Variants in PTPRN2 observed in about 807,000 individuals in gnomAD.
PTPRN2 encodes receptor-type tyrosine-protein phosphatase N2.
Under a neutral mutation model 118.8 loss-of-function variants are expected in PTPRN2, and 74 were observed. The ratio of observed to expected loss-of-function variants is 0.62; its 90% CI spans 0.52 to 0.76. PTPRN2 has a LOEUF of 0.76. PTPRN2 is among the 30% of genes least tolerant of loss of function. The probability of loss-of-function intolerance (pLI) is 0.00; values close to 1 mark genes in which losing one functional copy is unlikely to be tolerated. For synonymous variants in PTPRN2, 641 were observed against 608.0 expected (o/e 1.05, Z -0.80); for missense variants, 1,481 against 1,394.4 (o/e 1.06, Z -0.99).
chr7:158,441,147 G>A (rs939142013), intron 2 of PTPRN2, among the ~76,000 whole-genome samples: 1 of 150,016 alleles, frequency 6.7e-6, no homozygotes, highest in South Asian at 2.1e-4. Context: ...GGTAGTGATG[G>A]TGGTGATAGT....
rs559386204 is a variant in PTPRN2 at position 158,262,750 on chromosome 7, TAC to T, written c.277+54067_277+54068del. Among the ~76,000 whole-genome samples, 368 of 125,984 alleles carry T rather than the reference TAC, an allele frequency of 2.9e-3. 1 individual carries two copies. The highest frequency in any genetic ancestry group is 6.8e-3 in the Middle Eastern group (1 of 146). The allele number at this position is 125,984 out of a possible 152,430, so 82.7% of individuals were successfully genotyped here. A position where few individuals can be genotyped will look rare whatever the true frequency, so the allele number is the denominator to read the frequency against. On this transcript the variant is annotated intron_variant, in intron 3 of 22. Transcript: ENST00000389418. Reference sequence around the variant, plus strand: ...CACATACATTCACACACTGCACATATACACACACTGCACACACACATTCACAC... The same window carrying T: ...CACATACATTCACACACTGCACATATACACACTGCACACACACATTCACAC...
chr7:158,202,688 C>A (rs193150156), intron 4 of PTPRN2, among the ~76,000 whole-genome samples: 2 of 152,270 alleles, frequency 1.3e-5, no homozygotes, highest in East Asian at 3.9e-4. Flanking sequence ...GATAATTGCT[C>A]TTGCCTGGGT....
chr7:158,449,589 C>T (rs1449520815), intron 2 of PTPRN2, among the ~76,000 whole-genome samples: 1 of 152,194 alleles, frequency 6.6e-6, no homozygotes. Context: ...GACCAAACAC[C>T]AACAGGCAGA....
intron 12 of PTPRN2, among the ~76,000 whole-genome samples, chr7:157,725,094 G>C (rs1004678216): frequency 6.6e-6 from 1 of 152,204 alleles, no homozygotes; most frequent in African/African-American, 2.4e-5. Context: ...AAACCTGTGG[G>C]GGAAAGGACG....
At chr7:158,161,138 T>A (rs771472885) in intron 6 of PTPRN2, among the ~76,000 whole-genome samples, 12 of 152,210 alleles carry the variant, frequency 7.9e-5, no homozygotes, top group Non-Finnish European at 1.8e-4. Flanking sequence ...TGTCAGCATG[T>A]CAGTTCTCCA....
intron 6 of PTPRN2, among the ~76,000 whole-genome samples, chr7:158,159,392 G>T (rs6459844): frequency 0.25 from 37,651 of 152,084 alleles, 6,229 homozygotes; most frequent in African/African-American, 0.48. Context: ...GATTACCTTG[G>T]CCATACAAGC....
intron 12 of PTPRN2, among the ~76,000 whole-genome samples, chr7:157,889,750 C>T (rs879692832): frequency 6.6e-6 from 1 of 152,358 alleles, no homozygotes; most frequent in East Asian, 1.9e-4. Flanking sequence ...ACTAGAAGTG[C>T]CTGTTTCTGG....
intron 11 of PTPRN2, among the ~76,000 whole-genome samples, chr7:158,071,356 T>A (rs1811528120): frequency 3.5e-5 from 4 of 112,964 alleles, no homozygotes; most frequent in Admixed American, 8.8e-5. Context: ...CTCGTGGTGG[T>A]GGAGGTGCTC....
At chr7:157,724,534 C>A (rs556317677) in intron 12 of PTPRN2, among the ~76,000 whole-genome samples, 1 of 152,138 alleles carries the variant, frequency 6.6e-6, no homozygotes, top group African/African-American at 2.4e-5. Context: ...CCAATGAACC[C>A]GGTGCAAGTC....
chr7:158,390,754 C>T (rs73516654), intron 2 of PTPRN2, among the ~76,000 whole-genome samples: 1 of 152,374 alleles, frequency 6.6e-6, no homozygotes, highest in African/African-American at 2.4e-5. Flanking sequence ...TCTCCCAAGC[C>T]TTCTCTTCTC....
intron 12 of PTPRN2, among the ~76,000 whole-genome samples, chr7:157,814,962 G>T (rs899654747): frequency 1.3e-5 from 2 of 152,178 alleles, no homozygotes; most frequent in African/African-American, 4.8e-5. Context: ...GTGGTCACCC[G>T]TGCATGGTGA....
At chr7:157,810,064 C>T (rs114622354) in intron 12 of PTPRN2, among the ~76,000 whole-genome samples, 2,981 of 152,316 alleles carry the variant, frequency 0.02, 101 homozygotes, top group African/African-American at 0.065. Flanking sequence ...GCAGAGAGGA[C>T]AGGGGAGCTT....
At chr7:158,510,646 A>G (rs1242976348) in intron 1 of PTPRN2, among the ~76,000 whole-genome samples, 1 of 152,230 alleles carries the variant, frequency 6.6e-6, no homozygotes, top group Non-Finnish European at 1.5e-5. Context: ...TAATTCACAG[A>G]TATCAGAAAT....
chr7:157,666,136 A>T (rs1018575913), intron 13 of PTPRN2, among the ~76,000 whole-genome samples: 18 of 73,640 alleles, frequency 2.4e-4, no homozygotes, highest in African/African-American at 7.0e-4. Context: ...AGTATAATTA[A>T]AAAAAAAAAA....
chr7:158,171,615 T>G (rs1823709719), intron 5 of PTPRN2, among the ~76,000 whole-genome samples: 1 of 152,044 alleles, frequency 6.6e-6, no homozygotes, highest in South Asian at 2.1e-4. Flanking sequence ...CCTCCCAAAG[T>G]GCTGGGATTA....
chr7:158,334,116 T>A (rs1805091421), intron 2 of PTPRN2, among the ~76,000 whole-genome samples: 1 of 54,764 alleles, frequency 1.8e-5, no homozygotes, highest in African/African-American at 6.3e-5. Flanking sequence ...CAGACGTCAC[T>A]CACACCCACA....
chr7:157,572,965 G>A (rs1325558721), intron 19 of PTPRN2, among the ~76,000 whole-genome samples: 2 of 152,242 alleles, frequency 1.3e-5, no homozygotes, highest in African/African-American at 4.8e-5. Context: ...GAAGGCAATG[G>A]TGAACTCCTT....
At position 158,544,492 on chromosome 7, in the gene PTPRN2, G is replaced by T. The variant is rs750594012; in HGVS notation, c.112+43066C>A. Among the ~76,000 whole-genome samples the T allele has an allele frequency of 3.3e-5, 5 of 152,066 alleles. No homozygotes were observed. The highest frequency in any genetic ancestry group is 7.4e-5 in the Non-Finnish European group (5 of 68,014). ...CTCTAATAAAAATACAAAAAAATTAGCCTGGTGTGGTGGCACATGCCTGTA... is the reference window on the plus strand; with the variant it reads ...CTCTAATAAAAATACAAAAAAATTATCCTGGTGTGGTGGCACATGCCTGTA... On this transcript the variant is annotated intron_variant, in intron 1 of 22. Coordinates refer to ENST00000389418, the MANE Select transcript of PTPRN2 (RefSeq NM_002847.5). This position sits in a 1 kb window ranked among gnomAD's most constrained non-coding sequence, Gnocchi z 4.2.
chr7:157,815,575 A>G (rs1309248290), intron 12 of PTPRN2, among the ~76,000 whole-genome samples: 1 of 152,200 alleles, frequency 6.6e-6, no homozygotes, highest in African/African-American at 2.4e-5. Context: ...AGAGGATCAC[A>G]TTTAGATGAC....
Sources: allele counts gnomAD v4.1 joint callset (sites outside exome capture counted in the v4.1 genomes callset), GRCh38; gene constraint gnomAD v4.1.1; non-coding constraint Gnocchi (gnomAD v3.1); transcripts MANE v1.5; gene names NCBI Gene and HGNC (gene_info 2026-07-23, HGNC 2026-07-21).